The following LDHC variants were observed in gnomAD, a reference collection of about 807,000 sequenced individuals.
LDHC encodes L-lactate dehydrogenase C chain.
Under a neutral mutation model 30.2 loss-of-function variants are expected in LDHC, and 20 were observed. That is an observed-to-expected ratio of 0.66 (90% CI 0.47 to 0.96). The LOEUF (loss-of-function observed/expected upper bound fraction) is 0.96. Ranked by LOEUF, LDHC falls within the 40% of genes least tolerant of loss-of-function variation. The pLI is 0.00. For synonymous variants in LDHC, 139 were observed against 132.7 expected (o/e 1.05, Z -0.32); for missense variants, 362 against 394.9 (o/e 0.92, Z 0.71).
At chr11:18,421,605 G>A (rs1331899207) in intron 3 of LDHC, among the ~76,000 whole-genome samples, 5 of 151,926 alleles carry the variant, frequency 3.3e-5, no homozygotes, top group Non-Finnish European at 4.4e-5. Context: ...CCTGGGAGAC[G>A]GAGGTGGCAG....
chr11:18,418,145 A>G (rs1867056134), intron 3 of LDHC, among the ~76,000 whole-genome samples: 1 of 151,512 alleles, frequency 6.6e-6, no homozygotes, highest in Non-Finnish European at 1.5e-5. Context: ...CTAAATCTCA[A>G]TGTTGAATGT....
At chr11:18,436,205 G>T (rs1346995542) in intron 5 of LDHC, among the ~76,000 whole-genome samples, 4 of 151,862 alleles carry the variant, frequency 2.6e-5, no homozygotes, top group African/African-American at 9.7e-5. Flanking sequence ...ATTTTCTCTG[G>T]TATATTTTAA....
At chr11:18,448,758 G>T (rs1406580) in intron 7 of LDHC, among the ~76,000 whole-genome samples, 134,039 of 149,806 alleles carry the variant, frequency 0.89, 60,009 homozygotes, top group East Asian at 0.95. Flanking sequence ...TTTTTTTTGT[G>T]TGTCAAATAG....
intron 5 of LDHC, among the ~76,000 whole-genome samples, chr11:18,436,388 C>T (rs974606184): frequency 2.0e-5 from 3 of 151,512 alleles, no homozygotes; most frequent in African/African-American, 2.4e-5. Context: ...TTGAATTATA[C>T]ACTTACCTTA....
Position 18,438,509 on chromosome 11 carries a change from T to G in LDHC, c.593-19T>G. 213 of 1,468,278 alleles carry G rather than the reference T, an allele frequency of 1.5e-4. No individual in the cohort carries two copies. The highest frequency in any genetic ancestry group is 1.9e-4 in the Non-Finnish European group (199 of 1,049,536). The allele number at this position is 1,468,278 out of a possible 1,614,324, so 91.0% of individuals were successfully genotyped here. ...CCATATTGGGAAGAAGAGTTTATTT[T>G]GAGATCTGTATTTTTTAGTGCCCTT... On this transcript the variant is annotated intron_variant, in intron 5 of 7. Transcript: ENST00000541669.
chr11:18,418,189 T>C (rs1283168382), intron 3 of LDHC, among the ~76,000 whole-genome samples: 1 of 151,146 alleles, frequency 6.6e-6, no homozygotes, highest in African/African-American at 2.4e-5. Context: ...TCTTTCACAC[T>C]GGTATTTAGT....
At chr11:18,448,252 G>A (rs1031944181) in intron 7 of LDHC, among the ~76,000 whole-genome samples, 2 of 151,922 alleles carry the variant, frequency 1.3e-5, no homozygotes, top group South Asian at 2.1e-4. Flanking sequence ...AGCCTTTACC[G>A]AACAAGTCAA....
chr11:18,438,025 A>G (rs1047431401), intron 5 of LDHC, among the ~76,000 whole-genome samples: 1 of 152,102 alleles, frequency 6.6e-6, no homozygotes, highest in Non-Finnish European at 1.5e-5. Flanking sequence ...AGATCAAGCC[A>G]CTATGCTACA....
chr11:18,420,641 T>TAA lies in LDHC; in HGVS notation c.244+5363_244+5364dup, dbSNP rs11321502. ...GGCAGCATAGTGAAATCTTGTCTCTTAAAAAAAAAAAAAAAAAAAAAAAAG... is the reference window on the plus strand; with the variant it reads ...GGCAGCATAGTGAAATCTTGTCTCTTAAAAAAAAAAAAAAAAAAAAAAAAAAG... On this transcript the variant is annotated intron_variant, in intron 3 of 7. Transcript: ENST00000541669. 4.2e-3 allele frequency among the ~76,000 whole-genome samples: 306 copies of TAA among 72,334 alleles called. 1 individual carries two copies. The highest frequency in any genetic ancestry group is 0.013 in the African/African-American group (221 of 17,592). 47.5% of individuals were successfully genotyped at this position (72,334 alleles called of 152,430 possible).
In LDHC at chr11:18,430,816, C is replaced by T. The variant is rs148294965; in HGVS notation, c.418+906C>T. On this transcript the variant is annotated intron_variant, in intron 4 of 7. Coordinates refer to ENST00000541669, the MANE Select transcript of LDHC (RefSeq NM_017448.5). ...TGTCTTTATTTCTCTTGGATAAATA[C>T]CTGGGAGTAACATACGTGGGTTATA... is the stretch of plus-strand genomic sequence containing the variant. 3.3e-5 allele frequency among the ~76,000 whole-genome samples: 5 copies of T among 152,164 alleles called. No homozygotes were observed. In the East Asian group the frequency reaches 7.7e-4, roughly 24 times the overall value.
chr11:18,446,229 C>A lies in LDHC; in HGVS notation c.730C>A (p.Leu244Met). 1 of 1,602,242 alleles carries A rather than the reference C, an allele frequency of 6.2e-7. No individual in the cohort carries two copies. Among genetic ancestry groups the A allele is most frequent in the Non-Finnish European group, 8.6e-7 (1 of 1,169,380 alleles). Reference sequence around the variant, plus strand: ...CTGTAGTGCCTATGAAATTATCAAGCTGAAGGGGTATACCTCTTGGGCTAT... The same window carrying A: ...CTGTAGTGCCTATGAAATTATCAAGATGAAGGGGTATACCTCTTGGGCTAT... ...VIQSAYEIIK[L>M]KGYTSWAIGL... Residue 244 changes from leucine (L) to methionine (M), a missense_variant, in exon 7 of 8, where the codon CTG becomes ATG. By Grantham distance (15) the Leu-to-Met change is conservative (BLOSUM62 2). Transcript: ENST00000541669.
chr11:18,418,724 G>A (rs1392293769), intron 3 of LDHC, among the ~76,000 whole-genome samples: 1 of 152,042 alleles, frequency 6.6e-6, no homozygotes, highest in African/African-American at 2.4e-5. Context: ...ACCGCACCTG[G>A]CCATATTTTA....
At chr11:18,430,998 T>C (rs1848256489) in intron 4 of LDHC, among the ~76,000 whole-genome samples, 1 of 151,778 alleles carries the variant, frequency 6.6e-6, no homozygotes, top group South Asian at 2.1e-4. Flanking sequence ...ACCTTGTCTG[T>C]ACATAAAATA....
In LDHC at chr11:18,441,738, C is replaced by G. The variant is rs566275066; in HGVS notation, c.710+3093C>G. ...CCAGCCTGGCCCAACATGGTGAAACCCTGTCTCTACTAAAAATACAAAAAT... is the reference window on the plus strand; with the variant it reads ...CCAGCCTGGCCCAACATGGTGAAACGCTGTCTCTACTAAAAATACAAAAAT... On this transcript the variant is annotated intron_variant, in intron 6 of 7. Coordinates refer to ENST00000541669, the MANE Select transcript of LDHC (RefSeq NM_017448.5). Among the ~76,000 whole-genome samples the G allele has an allele frequency of 7.2e-5, 11 of 151,966 alleles. No homozygotes were observed. The South Asian group carries it at 1.9e-3, about 26-fold the overall frequency.
intron 4 of LDHC, among the ~76,000 whole-genome samples, chr11:18,431,000 CATAAA>C (rs1162328974): frequency 1.3e-5 from 2 of 151,602 alleles, no homozygotes; most frequent in Non-Finnish European, 2.9e-5. Context: ...CTTGTCTGTA[CATAAA>C]ATAAAGTAAA....
At chr11:18,446,778 CACA>C (rs1848561165) in intron 7 of LDHC, among the ~76,000 whole-genome samples, 1 of 152,184 alleles carries the variant, frequency 6.6e-6, no homozygotes, top group Non-Finnish European at 1.5e-5. Context: ...AAAGATGGGT[CACA>C]GTAGCTGCAG....
intron 5 of LDHC, among the ~76,000 whole-genome samples, chr11:18,438,251 G>A (rs1848392884): frequency 6.6e-6 from 1 of 152,068 alleles, no homozygotes; most frequent in African/African-American, 2.4e-5. Context: ...GAGAGAGGAG[G>A]TGCCATATAC....
intron 7 of LDHC, 76 bp from the exon 8 acceptor site, chr11:18,450,885 ACT>A: frequency 9.5e-7 from 1 of 1,047,432 alleles, no homozygotes; most frequent in Non-Finnish European, 1.4e-6. Flanking sequence ...TCTCCTGTAT[ACT>A]CTCATTTTGA....
chr11:18,445,618 G>A (rs1848541814), intron 6 of LDHC, among the ~76,000 whole-genome samples: 1 of 152,092 alleles, frequency 6.6e-6, no homozygotes, highest in Non-Finnish European at 1.5e-5. Flanking sequence ...ATCTTGAGTG[G>A]CACATTTGTC....
Sources: gnomAD v4.1 joint callset for allele counts (sites outside exome capture counted in the v4.1 genomes callset) on GRCh38, gnomAD v4.1.1 for gene constraint, MANE v1.5 for transcripts, NCBI Gene and HGNC (gene_info 2026-07-23, HGNC 2026-07-21) for gene names.